The following SYNE1 variants were observed in gnomAD, a reference collection of about 807,000 sequenced individuals.
The protein encoded by SYNE1 is nesprin-1.
SYNE1 carries 616 observed loss-of-function variants against 1,111.0 expected under a neutral mutation model. That is an observed-to-expected ratio of 0.55 (90% CI 0.52 to 0.59). The LOEUF (loss-of-function observed/expected upper bound fraction) is 0.59. Among genes scored for constraint, SYNE1 ranks in the 20% least tolerant of loss-of-function variants. The pLI is 0.00. For synonymous variants in SYNE1, 3,855 were observed against 3,825.8 expected, an observed-to-expected ratio of 1.01 and a Z score of -0.28; for missense variants, 10,006 against 10,417.0, an observed-to-expected ratio of 0.96 and a Z score of 1.72.
At chr6:152,394,465 C>T (rs979083481) in intron 51 of SYNE1, among the ~76,000 whole-genome samples, 3 of 152,244 alleles carry the variant, frequency 2.0e-5, no homozygotes, top group South Asian at 4.2e-4. Context: ...TGGAAAGTAT[C>T]CTATCTTCCA....
intron 2 of SYNE1, among the ~76,000 whole-genome samples, chr6:152,634,413 TTCAAG>T (rs2099702822): frequency 6.6e-6 from 1 of 152,220 alleles, no homozygotes; most frequent in Non-Finnish European, 1.5e-5. Context: ...TTCCCTTCTA[TTCAAG>T]TCTTTTGCTG....
chr6:152,536,361 CTAATATATATATAG>C (rs1216111232), intron 4 of SYNE1, among the ~76,000 whole-genome samples: 3 of 89,660 alleles, frequency 3.3e-5, no homozygotes, highest in Non-Finnish European at 5.0e-5. Flanking sequence ...ATATAGTATA[CTAATATATATATAG>C]TAATATATAT....
intron 29 of SYNE1, among the ~76,000 whole-genome samples, chr6:152,445,346 G>A (rs1592850182): frequency 6.6e-6 from 1 of 151,980 alleles, no homozygotes; most frequent in South Asian, 2.1e-4. Context: ...TTACAATTTT[G>A]TAGTCATCTA....
intron 91 of SYNE1, among the ~76,000 whole-genome samples, chr6:152,308,136 G>A (rs2095435128): frequency 6.6e-6 from 1 of 152,080 alleles, no homozygotes; most frequent in Non-Finnish European, 1.5e-5. Context: ...AGAGATCAAT[G>A]CAGCAAAGCT....
chr6:152,605,426 G>C (rs1036673645), intron 3 of SYNE1, among the ~76,000 whole-genome samples: 2 of 152,168 alleles, frequency 1.3e-5, no homozygotes, highest in Non-Finnish European at 2.9e-5. Flanking sequence ...GATTGTCCTT[G>C]AGATGTAAAG....
At chr6:152,427,617 A>T in intron 38 of SYNE1, 76 bp downstream of exon 38, 1 of 1,540,080 alleles carries the variant, frequency 6.5e-7, no homozygotes, top group South Asian at 1.1e-5. Context: ...AAGTTTATTT[A>T]TTTTATTATT....
chr6:152,202,046 G>A, intron 126 of SYNE1, 97 bp from the exon 127 acceptor site: 1 of 1,486,450 alleles, frequency 6.7e-7, no homozygotes, highest in East Asian at 2.3e-5. Context: ...CCCAGAGAAA[G>A]AATGAAAGTT....
chr6:152,308,602 G>C lies in SYNE1; in HGVS notation c.17233C>G (p.Gln5745Glu). Residue 5745 changes from glutamine to glutamate, a missense_variant, in exon 91 of 146, where the codon CAA (glutamine) becomes GAA (glutamate). By Grantham distance (29) the Gln-to-Glu change is conservative. Around this residue, in one of 7 missense-constraint regions of SYNE1, gnomAD observed 4,955 missense variants for 5,017.2 expected, o/e 0.99. Coordinates refer to ENST00000367255, the MANE Select transcript of SYNE1 (RefSeq NM_182961.4). ...AGTTGCTGGAGATGTTTCATTTCTT[G>C]CTCATATTGTTCATATTGTACCACA... The part of the protein sequence containing the change: ...EAVVQYEQYE[Q>E]EMKHLQQLIE... 6.2e-7 allele frequency: 1 copy of C among 1,610,946 alleles called. No homozygotes were observed.
rs1394595152 is a variant in SYNE1, at chr6:152,351,457, T to C, written c.11580+570A>G. 3.9e-5 allele frequency among the ~76,000 whole-genome samples: 6 copies of C among 152,382 alleles called. 1 individual carries two copies. Among genetic ancestry groups the C allele is most frequent in the East Asian group, 3.9e-4 (2 of 5,190 alleles). On this transcript the variant is annotated intron_variant, in intron 70 of 145. Coordinates refer to ENST00000367255, the MANE Select transcript of SYNE1 (RefSeq NM_182961.4). ...AACACAAATTATTCCACATATAAGC[T>C]TGCATAATTGCTTCAAAAATTTGAG...
intron 93 of SYNE1, among the ~76,000 whole-genome samples, chr6:152,295,963 C>T (rs907609567): frequency 6.6e-6 from 1 of 152,192 alleles, no homozygotes; most frequent in Admixed American, 6.5e-5. Context: ...TGTGACGGAT[C>T]GTCACACGTG....
intron 70 of SYNE1, 34 bp downstream of exon 70, chr6:152,351,993 T>G: frequency 6.2e-7 from 1 of 1,601,136 alleles, no homozygotes; most frequent in Non-Finnish European, 8.5e-7. Flanking sequence ...CTGTGTGACC[T>G]CTGCATGCAT....
At chr6:152,557,060 A>C (rs1365466352) in intron 3 of SYNE1, among the ~76,000 whole-genome samples, 1 of 152,186 alleles carries the variant, frequency 6.6e-6, no homozygotes, top group Admixed American at 6.5e-5. Flanking sequence ...GCTAACCCAA[A>C]TCAGGAAACA....
At chr6:152,413,293 C>T (rs2098098983) in intron 42 of SYNE1, 59 bp downstream of exon 42, 1 of 1,570,062 alleles carries the variant, frequency 6.4e-7, no homozygotes, top group Non-Finnish European at 8.8e-7. Flanking sequence ...CAGGCAATGT[C>T]CCAATGTCAC....
chr6:152,458,300 C>T (rs958925575), intron 22 of SYNE1, among the ~76,000 whole-genome samples: 5 of 152,158 alleles, frequency 3.3e-5, no homozygotes, highest in Non-Finnish European at 5.9e-5. Context: ...TAACACATCC[C>T]TTATTTCACA....
intron 3 of SYNE1, among the ~76,000 whole-genome samples, chr6:152,605,028 GAGAGA>G (rs1565141456): frequency 5.9e-5 from 4 of 67,898 alleles, no homozygotes; most frequent in African/African-American, 2.8e-4. Context: ...GAGAGAGAGA[GAGAGA>G]GAGGGAGGGA....
intron 13 of SYNE1, 146 bp downstream of exon 13, chr6:152,484,689 G>C (rs994645629): frequency 1.2e-6 from 1 of 824,948 alleles, no homozygotes; most frequent in Non-Finnish European, 1.9e-6. Flanking sequence ...AGACAAGGAG[G>C]CAAAGATTCT....
intron 98 of SYNE1, among the ~76,000 whole-genome samples, chr6:152,274,960 C>T (rs1320448950): frequency 2.6e-5 from 4 of 152,158 alleles, no homozygotes; most frequent in African/African-American, 7.2e-5. Context: ...AATCATAGCT[C>T]GCTGCAGCCT....
At chr6:152,414,490 CAAT>C (rs2098122215) in intron 41 of SYNE1, among the ~76,000 whole-genome samples, 2 of 152,162 alleles carry the variant, frequency 1.3e-5, no homozygotes, top group South Asian at 4.1e-4. Flanking sequence ...AGAGTTCACA[CAAT>C]GAGTCTACAT....
At chr6:152,169,780 A>G (rs1415280103) in intron 130 of SYNE1, among the ~76,000 whole-genome samples, 1 of 151,514 alleles carries the variant, frequency 6.6e-6, no homozygotes, top group Non-Finnish European at 1.5e-5. Context: ...AGCCTGGGTG[A>G]CAGCGCAAAC....
Sources: gnomAD v4.1 joint callset for allele counts (sites outside exome capture counted in the v4.1 genomes callset) on GRCh38, gnomAD v4.1.1 for gene constraint, gnomAD v4.1.1 regional missense constraint, MANE v1.5 for transcripts, NCBI Gene and HGNC (gene_info 2026-07-23, HGNC 2026-07-21) for gene names.